Variants in CDIN1 observed in about 807,000 individuals in gnomAD.
CDIN1 encodes CDAN1 interacting nuclease 1.
Under a neutral mutation model 45.3 loss-of-function variants are expected in CDIN1, and 33 were observed. The ratio of observed to expected loss-of-function variants is 0.73; its 90% CI spans 0.55 to 0.97. The LOEUF (loss-of-function observed/expected upper bound fraction) is 0.97. Ranked by LOEUF, CDIN1 falls within the 50% of genes least tolerant of loss-of-function variation. The probability of loss-of-function intolerance (pLI) is 0.00; values close to 1 mark genes in which losing one functional copy is unlikely to be tolerated. For synonymous variants in CDIN1, 118 were observed against 124.4 expected, an observed-to-expected ratio of 0.95 and a Z score of 0.34; for missense variants, 303 against 339.4, an observed-to-expected ratio of 0.89 and a Z score of 0.84.
At chr15:36,772,956 A>G (rs987881118) in intron 10 of CDIN1, among the ~76,000 whole-genome samples, 2 of 152,282 alleles carry the variant, frequency 1.3e-5, no homozygotes, top group East Asian at 3.9e-4. Context: ...AGTAACAGTA[A>G]TGCTTTGTTC....
At chr15:36,701,098 G>A (rs149228707) in intron 8 of CDIN1, among the ~76,000 whole-genome samples, 16 of 143,274 alleles carry the variant, frequency 1.1e-4, no homozygotes, top group South Asian at 2.3e-4. Flanking sequence ...AGGTAGGTAG[G>A]TAGATAGATA....
chr15:36,690,138 A>G (rs1326752313), intron 5 of CDIN1, among the ~76,000 whole-genome samples: 1 of 152,240 alleles, frequency 6.6e-6, no homozygotes, highest in Non-Finnish European at 1.5e-5. Context: ...TGCTATAAGC[A>G]TGTAGTTATA....
chr15:36,617,088 C>T, intron 1 of CDIN1: 2 of 795,924 alleles, frequency 2.5e-6, no homozygotes, highest in Admixed American at 1.7e-5. Flanking sequence ...CAGAGGACGA[C>T]ATGTTGTTTT....
intron 10 of CDIN1, among the ~76,000 whole-genome samples, chr15:36,740,977 C>A (rs1203741461): frequency 1.3e-5 from 2 of 152,024 alleles, no homozygotes; most frequent in East Asian, 3.9e-4. Flanking sequence ...CACTCTCTCA[C>A]CCAGGCTAAA....
At chr15:36,595,889 C>T (rs978123979) in intron 1 of CDIN1, among the ~76,000 whole-genome samples, 10 of 152,212 alleles carry the variant, frequency 6.6e-5, no homozygotes, top group South Asian at 2.1e-4. Context: ...GGCCATCTGA[C>T]GGCATATCAT....
intron 5 of CDIN1, chr15:36,658,428 C>T (rs2040863611): frequency 6.6e-6 from 1 of 152,176 alleles, no homozygotes; most frequent in Non-Finnish European, 1.5e-5. Flanking sequence ...GTGTCAACTG[C>T]ATGATTAAAA....
chr15:36,654,513 C>CA (rs35679788), intron 4 of CDIN1, among the ~76,000 whole-genome samples: 36,397 of 94,908 alleles, frequency 0.38, 6,140 homozygotes, highest in Middle Eastern at 0.47. Flanking sequence ...AGATGGATGC[C>CA]AAAAAAAAAA....
chr15:36,655,319 T>A (rs557397205), intron 4 of CDIN1, among the ~76,000 whole-genome samples: 45 of 11,746 alleles, frequency 3.8e-3, no homozygotes, highest in African/African-American at 0.013. Context: ...GTGCTTTTTT[T>A]TTTTTGCTTT....
intron 1 of CDIN1, among the ~76,000 whole-genome samples, chr15:36,628,860 G>A (rs1260723577): frequency 6.6e-6 from 1 of 152,182 alleles, no homozygotes; most frequent in Admixed American, 6.5e-5. Context: ...GATTATCCTA[G>A]AATACCAGGA....
intron 1 of CDIN1, among the ~76,000 whole-genome samples, chr15:36,598,771 C>A (rs1879005748): frequency 6.6e-6 from 1 of 150,822 alleles, no homozygotes; most frequent in African/African-American, 2.4e-5. Context: ...CATCCCCCAT[C>A]TTTTTTTTTG....
chr15:36,751,229 T>TTATATATATACA (rs1555404180), intron 10 of CDIN1, among the ~76,000 whole-genome samples: 1 of 97,612 alleles, frequency 1.0e-5, no homozygotes, highest in African/African-American at 4.3e-5. Flanking sequence ...TATGCTTATT[T>TTATATATATACA]TATATATATA....
chr15:36,748,847 C>CTTTA (rs1566948220), intron 10 of CDIN1, among the ~76,000 whole-genome samples: 1 of 152,140 alleles, frequency 6.6e-6, no homozygotes. Context: ...ACCCAAAATG[C>CTTTA]TAAAGGTTGT....
At position 36,792,636 on chromosome 15, in the gene CDIN1, C is replaced by T. The variant is rs373915482; in HGVS notation, c.717-15688C>T. ...GGGAGGGTGGATTTGTTTTAATGTACGCTTTTCTTGAATCTGTTTATCCCC... is the reference window on the plus strand; with the variant it reads ...GGGAGGGTGGATTTGTTTTAATGTATGCTTTTCTTGAATCTGTTTATCCCC... On this transcript the variant is annotated intron_variant, in intron 10 of 10. Transcript: ENST00000566621. Among the ~76,000 whole-genome samples, 13 of 152,104 alleles carry T rather than the reference C, an allele frequency of 8.5e-5. No individual in the cohort carries two copies. The South Asian group carries it at 1.2e-3, about 15-fold the overall frequency.
intron 5 of CDIN1, among the ~76,000 whole-genome samples, chr15:36,683,196 T>C (rs1444005523): frequency 1.3e-5 from 2 of 152,012 alleles, no homozygotes; most frequent in East Asian, 1.9e-4. Context: ...TCTTCTAGGG[T>C]TTTTATGGTT....
chr15:36,676,384 T>G (rs919753088), intron 5 of CDIN1, among the ~76,000 whole-genome samples: 5 of 152,174 alleles, frequency 3.3e-5, no homozygotes, highest in Non-Finnish European at 5.9e-5. Flanking sequence ...AATTATGCAC[T>G]GAGGCAGACA....
chr15:36,628,744 G>A (rs1024559522), intron 1 of CDIN1, among the ~76,000 whole-genome samples: 4 of 152,130 alleles, frequency 2.6e-5, no homozygotes, highest in African/African-American at 4.8e-5. Context: ...CGAAAAGTAA[G>A]TCCCTTAAAG....
Position 36,579,775 on chromosome 15 carries a change from C to A in CDIN1, c.-86C>A. 3.6e-6 allele frequency: 4 copies of A among 1,126,210 alleles called. No individual in the cohort carries two copies. The highest frequency in any genetic ancestry group is 1.4e-5 in the South Asian group (1 of 69,224). The allele number at this position is 1,126,210 out of a possible 1,614,324, so 69.8% of individuals were successfully genotyped here. A position where few individuals can be genotyped will look rare whatever the true frequency, so the allele number is the denominator to read the frequency against. On this transcript the variant is annotated 5_prime_UTR_variant, in exon 1 of 11. Coordinates refer to ENST00000566621, the MANE Select transcript of CDIN1 (RefSeq NM_001321759.2). ...AGGACCCGGGCCTGTGCCGCTTTGC[C>A]TACCCCTCATCCCTCGGCACCAAGG...
At chr15:36,719,474 T>A (rs574509640) in intron 10 of CDIN1, among the ~76,000 whole-genome samples, 87 of 152,306 alleles carry the variant, frequency 5.7e-4, no homozygotes, top group African/African-American at 1.9e-3. Context: ...ATAAACTGCA[T>A]TTGATTATGA....
At chr15:36,800,909 G>GTGTGTATATATATATATATATATA (rs1156514805) in intron 10 of CDIN1, among the ~76,000 whole-genome samples, 3 of 22,388 alleles carry the variant, frequency 1.3e-4, no homozygotes, top group Non-Finnish European at 3.5e-4. Flanking sequence ...GTGTGTGTGT[G>GTGTGTATATATATATATATATATA]TATATATATA....
Sources: gnomAD v4.1 joint callset for allele counts (sites outside exome capture counted in the v4.1 genomes callset) on GRCh38, gnomAD v4.1.1 for gene constraint, MANE v1.5 for transcripts, NCBI Gene and HGNC (gene_info 2026-07-23, HGNC 2026-07-21) for gene names.